The following USP6NL variants were observed in gnomAD, a reference collection of about 807,000 sequenced individuals.
USP6NL encodes the protein USP6 N-terminal like, also known as USP6 N-terminal-like protein.
USP6NL carries 26 observed loss-of-function variants against 61.9 expected under a neutral mutation model. The ratio of observed to expected loss-of-function variants is 0.42; its 90% CI spans 0.31 to 0.58. The LOEUF (loss-of-function observed/expected upper bound fraction) is 0.58, where lower values mean the gene tolerates loss of function less well. Ranked by LOEUF, USP6NL falls within the 20% of genes least tolerant of loss-of-function variation. The probability of loss-of-function intolerance (pLI) is 0.16; values close to 1 mark genes in which losing one functional copy is unlikely to be tolerated. For synonymous variants in USP6NL, 432 were observed against 390.1 expected (o/e 1.11, Z -1.27); for missense variants, 1,114 against 1,034.3 (o/e 1.08, Z -1.06).
rs114167419 is a variant in USP6NL at position 11,545,032 on chromosome 10, G to A, written c.5-17465C>T. Among the ~76,000 whole-genome samples the A allele has an allele frequency of 3.4e-3, 512 of 152,296 alleles. 1 individual carries two copies. The highest frequency in any genetic ancestry group is 0.012 in the African/African-American group (499 of 41,560). On this transcript the variant is annotated intron_variant, in intron 2 of 14. Coordinates refer to ENST00000609104, the MANE Select transcript of USP6NL (RefSeq NM_014688.5). ...TGTCCTGGGGAGATTAAATCTAGGT[G>A]AACAGAAAGGACACTTATTTTTCAC...
At chr10:11,543,937 G>A (rs535146859) in intron 2 of USP6NL, among the ~76,000 whole-genome samples, 38 of 139,520 alleles carry the variant, frequency 2.7e-4, no homozygotes, top group Non-Finnish European at 4.1e-4. Flanking sequence ...TCAGCCTCCC[G>A]AGTAGCTGGA....
rs183847406 is a variant in USP6NL at position 11,491,101 on chromosome 10, C to T, written c.495-221G>A. ...TGAAAGGATTTATACCAAGAAAACA[C>T]AAAACACTTCAAAATTCCTAAAATT... On this transcript the variant is annotated intron_variant, in intron 8 of 14. Transcript: ENST00000609104. The surrounding 1 kb of genome is among the most constrained non-coding windows in gnomAD (Gnocchi z 4.7). 1.5e-3 allele frequency among the ~76,000 whole-genome samples: 234 copies of T among 152,336 alleles called. No individual in the cohort carries two copies. Among genetic ancestry groups the T allele is most frequent in the Non-Finnish European group, 2.6e-3 (175 of 68,034 alleles).
chr10:11,587,989 G>C lies in USP6NL; in HGVS notation c.4+9642C>G, dbSNP rs536786777. On this transcript the variant is annotated intron_variant, in intron 2 of 14. Coordinates refer to ENST00000609104, the MANE Select transcript of USP6NL (RefSeq NM_014688.5). This position sits in a 1 kb window ranked among gnomAD's most constrained non-coding sequence, Gnocchi z 4.5. The stretch of plus-strand genomic sequence containing the variant: ...CAGCTAAACGTGAAGGAAATCTAGA[G>C]ATCACCAGGCAGTCTTCCTTTCTCT... Among the ~76,000 whole-genome samples the C allele has an allele frequency of 1.7e-4, 26 of 152,330 alleles. No individual in the cohort carries two copies. Among genetic ancestry groups the C allele is most frequent in the African/African-American group, 5.3e-4 (22 of 41,576 alleles).
rs1002348529 is a variant in USP6NL at position 11,482,113 on chromosome 10, C to G, written c.926-191G>C. Among the ~76,000 whole-genome samples the G allele has an allele frequency of 6.6e-6, 1 of 152,176 alleles. No homozygotes were observed. ...ATATTGCCTGATATTAAAGCAGCCA[C>G]AGAGAAAAGCAGGAAAGTTTACTGG... On this transcript the variant is annotated intron_variant, in intron 13 of 14. Transcript: ENST00000609104. The surrounding 1 kb of genome is among the most constrained non-coding windows in gnomAD (Gnocchi z 4.0).
Position 11,553,319 on chromosome 10 carries a change from T to C in USP6NL, c.5-25752A>G, listed in dbSNP as rs554361210. Among the ~76,000 whole-genome samples the C allele has an allele frequency of 2.0e-5, 3 of 152,254 alleles. No individual in the cohort carries two copies. Among genetic ancestry groups the C allele is most frequent in the African/African-American group, 7.2e-5 (3 of 41,544 alleles). On this transcript the variant is annotated intron_variant, in intron 2 of 14. Transcript: ENST00000609104. This position sits in a 1 kb window ranked among gnomAD's most constrained non-coding sequence, Gnocchi z 4.8. ...GCAAGTAACTTGCCAATAATGACAA[T>C]TAACAACACTGAAATTCAAATCTTT...
chr10:11,466,346 T>C (rs1832451860), intron 14 of USP6NL, among the ~76,000 whole-genome samples: 1 of 152,238 alleles, frequency 6.6e-6, no homozygotes, highest in African/African-American at 2.4e-5. Flanking sequence ...GGTCACACTG[T>C]ACTGCCCTCC....
chr10:11,515,545 A>T (rs756371305), intron 5 of USP6NL, among the ~76,000 whole-genome samples: 4 of 152,216 alleles, frequency 2.6e-5, no homozygotes, highest in Non-Finnish European at 4.4e-5. Flanking sequence ...TATGGAAGTG[A>T]GCTCTTAACC....
chr10:11,488,822 A>C (rs1488308232), intron 10 of USP6NL, among the ~76,000 whole-genome samples: 1 of 152,238 alleles, frequency 6.6e-6, no homozygotes, highest in Non-Finnish European at 1.5e-5. Flanking sequence ...AAATTCCTCC[A>C]AACCTAAATT....
Position 11,491,571 on chromosome 10 carries a change from C to A in USP6NL, c.495-691G>T, listed in dbSNP as rs138121833. On this transcript the variant is annotated intron_variant, in intron 8 of 14. Coordinates refer to ENST00000609104, the MANE Select transcript of USP6NL (RefSeq NM_014688.5). This position sits in a 1 kb window ranked among gnomAD's most constrained non-coding sequence, Gnocchi z 4.7. ...TGGGCTCCTTATGCCTCTGAACCAA[C>A]AGGCAAAGAAGGACGTGGCTGTGTG... 8.8e-3 allele frequency among the ~76,000 whole-genome samples: 1,341 copies of A among 152,298 alleles called. 13 individuals are homozygous for A. Among genetic ancestry groups the A allele is most frequent in the African/African-American group, 0.03 (1,255 of 41,556 alleles).
chr10:11,589,565 C>T lies in USP6NL; in HGVS notation c.4+8066G>A, dbSNP rs896012229. On this transcript the variant is annotated intron_variant, in intron 2 of 14. Transcript: ENST00000609104. The surrounding 1 kb of genome is among the most constrained non-coding windows in gnomAD (Gnocchi z 4.7). ...AAATTTCTCTCAAGTTATAATCAAG[C>T]AAATATATTCTCCCTTACCTTGCAA... is the stretch of plus-strand genomic sequence containing the variant. Among the ~76,000 whole-genome samples the T allele has an allele frequency of 1.3e-5, 2 of 152,120 alleles. No individual in the cohort carries two copies. The highest frequency in any genetic ancestry group is 4.8e-5 in the African/African-American group (2 of 41,416).
chr10:11,471,920 A>G (rs1167582894), intron 14 of USP6NL, among the ~76,000 whole-genome samples: 1 of 151,744 alleles, frequency 6.6e-6, no homozygotes, highest in Admixed American at 6.6e-5. Flanking sequence ...GCACATGTAT[A>G]CATATGTAAC....
rs1838317763 is a variant in USP6NL, at chr10:11,596,080, C to T, written c.4+1551G>A. 6.6e-6 allele frequency among the ~76,000 whole-genome samples: 1 copy of T among 152,156 alleles called. No homozygotes were observed. Among genetic ancestry groups the T allele is most frequent in the Non-Finnish European group, 1.5e-5 (1 of 68,030 alleles). On this transcript the variant is annotated intron_variant, in intron 2 of 14. Transcript: ENST00000609104. This position sits in a 1 kb window ranked among gnomAD's most constrained non-coding sequence, Gnocchi z 4.1. Reference sequence around the variant, plus strand: ...CAAGACACCATCAAACACCGAAATTCAAACATGAAAGGCACAGGCTACCTG... The same window carrying T: ...CAAGACACCATCAAACACCGAAATTTAAACATGAAAGGCACAGGCTACCTG...
At chr10:11,566,982 C>T (rs921276164) in intron 2 of USP6NL, among the ~76,000 whole-genome samples, 3 of 152,274 alleles carry the variant, frequency 2.0e-5, no homozygotes, top group Non-Finnish European at 2.9e-5. Context: ...GGCACGGTGG[C>T]GCATGCCTGT....
intron 2 of USP6NL, among the ~76,000 whole-genome samples, chr10:11,546,882 C>T (rs1836291256): frequency 6.6e-6 from 1 of 152,136 alleles, no homozygotes; most frequent in Non-Finnish European, 1.5e-5. Context: ...TTGATATACG[C>T]TTTAGAAACA....
chr10:11,550,773 A>G (rs1275534579), intron 2 of USP6NL, among the ~76,000 whole-genome samples: 1 of 151,890 alleles, frequency 6.6e-6, no homozygotes, highest in African/African-American at 2.4e-5. Context: ...AAATAAATAA[A>G]AACAAAATAA....
At chr10:11,590,729 A>G (rs370935084) in intron 2 of USP6NL, among the ~76,000 whole-genome samples, 2 of 152,186 alleles carry the variant, frequency 1.3e-5, no homozygotes, top group African/African-American at 4.8e-5. Flanking sequence ...AACAAGACGA[A>G]TATTTAAGAG....
rs779307412 is a variant in USP6NL, at chr10:11,490,871, G to A, written c.504C>T (p.Ser168=). ...AATAGGCAGCAAGCACATGGAATAA[G>A]GATTGTTGCCTAGAGAAAAAAATTT... The part of the protein sequence containing the change: ...FRDRYGVKQQ[S]LFHVLAAYSI... The change falls in exon 9 of 15, where the codon TCC becomes TCT. Residue 168 remains serine, a synonymous_variant. Coordinates refer to ENST00000609104, the MANE Select transcript of USP6NL (RefSeq NM_014688.5). This position sits in a 1 kb window ranked among gnomAD's most constrained non-coding sequence, Gnocchi z 4.5. 11 of 1,539,522 alleles carry A rather than the reference G, an allele frequency of 7.1e-6. No homozygotes were observed. In the Admixed American group the frequency reaches 2.4e-4, roughly 33 times the overall value.
At position 11,470,697 on chromosome 10, in the gene USP6NL, A is replaced by G. The variant is rs1035013647; in HGVS notation, c.1079-6848T>C. 1.3e-5 allele frequency among the ~76,000 whole-genome samples: 2 copies of G among 152,202 alleles called. No individual in the cohort carries two copies. Among genetic ancestry groups the G allele is most frequent in the Non-Finnish European group, 2.9e-5 (2 of 68,032 alleles). On this transcript the variant is annotated intron_variant, in intron 14 of 14. Transcript: ENST00000609104. The surrounding 1 kb of genome is among the most constrained non-coding windows in gnomAD (Gnocchi z 5.4). ...GTTTAAATATCTCCTTTCACCCCTA[A>G]GCAACTAACTGTAACTAAAACATTC...
rs761744075 is a variant in USP6NL, at chr10:11,532,156, A to T, written c.5-4589T>A. On this transcript the variant is annotated intron_variant, in intron 2 of 14. Coordinates refer to ENST00000609104, the MANE Select transcript of USP6NL (RefSeq NM_014688.5). The surrounding 1 kb of genome is among the most constrained non-coding windows in gnomAD (Gnocchi z 4.1). Reference sequence around the variant, plus strand: ...GATGAACGTTAAAAATATAAACAACATCAATTTTAAAAGTACTTTACCCTT... The same window carrying T: ...GATGAACGTTAAAAATATAAACAACTTCAATTTTAAAAGTACTTTACCCTT... 25 of 1,516,054 alleles carry T rather than the reference A, an allele frequency of 1.6e-5. No individual in the cohort carries two copies. Among genetic ancestry groups the T allele is most frequent in the Admixed American group, 3.9e-5 (2 of 51,706 alleles). 93.9% of individuals were successfully genotyped at this position (1,516,054 alleles called of 1,614,324 possible).
Sources: allele counts gnomAD v4.1 joint callset (sites outside exome capture counted in the v4.1 genomes callset), GRCh38; gene constraint gnomAD v4.1.1; non-coding constraint Gnocchi (gnomAD v3.1); transcripts MANE v1.5; gene names NCBI Gene and HGNC (gene_info 2026-07-23, HGNC 2026-07-21).